Variants in TICAM2 observed in about 807,000 individuals in gnomAD.
The protein encoded by TICAM2 is TIR domain containing adaptor molecule 2, also known as TIR domain-containing adapter molecule 2.
Under a neutral mutation model 7.3 loss-of-function variants are expected in TICAM2, and 8 were observed. The observed-to-expected ratio is 1.10, with a 90% CI of 0.65 to 1.99. The LOEUF (loss-of-function observed/expected upper bound fraction) is 1.99. Ranked by LOEUF, TICAM2 falls within the 30% of genes most tolerant of loss-of-function variation. The pLI is 0.00. For synonymous variants in TICAM2, 113 were observed against 99.6 expected, an observed-to-expected ratio of 1.13 and a Z score of -0.80; for missense variants, 304 against 278.8, an observed-to-expected ratio of 1.09 and a Z score of -0.65.
intron 1 of TICAM2, among the ~76,000 whole-genome samples, chr5:115,584,758 T>A (rs1355018202): frequency 6.6e-6 from 1 of 152,028 alleles, no homozygotes; most frequent in African/African-American, 2.4e-5. Flanking sequence ...TGAAGAAACA[T>A]AATCAATCCA....
rs189610827 is a variant in TICAM2, at chr5:115,580,036, T to C, written c.*513A>G. 1 of 152,428 alleles carries C rather than the reference T, an allele frequency of 6.6e-6. No homozygotes were observed. The highest frequency in any genetic ancestry group is 1.9e-4 in the East Asian group (1 of 5,190). The allele number at this position is 152,428 out of a possible 1,614,324, so 9.4% of individuals were successfully genotyped here. A position where few individuals can be genotyped will look rare whatever the true frequency, so the allele number is the denominator to read the frequency against. On this transcript the variant is annotated 3_prime_UTR_variant, in exon 2 of 2. Coordinates refer to ENST00000427199, the MANE Select transcript of TICAM2 (RefSeq NM_021649.7). ...ATTCTCACATCTATTTCTGATTTTA[T>C]ATGCATCAACGCTTAACATGCTAAA...
At chr5:115,592,320 C>A (rs573832795) in intron 1 of TICAM2, among the ~76,000 whole-genome samples, 2 of 152,262 alleles carry the variant, frequency 1.3e-5, no homozygotes, top group South Asian at 2.1e-4. Context: ...TCAAAACAGA[C>A]ACAGAAGAAA....
intron 1 of TICAM2, among the ~76,000 whole-genome samples, chr5:115,594,444 A>C (rs577323386): frequency 2.2e-4 from 34 of 152,370 alleles, no homozygotes; most frequent in African/African-American, 7.9e-4. Context: ...ATGTGTGTTT[A>C]AACGCCAAAT....
At chr5:115,596,527 G>A (rs528295753) in intron 1 of TICAM2, among the ~76,000 whole-genome samples, 57 of 152,260 alleles carry the variant, frequency 3.7e-4, no homozygotes, top group Middle Eastern at 3.4e-3. Flanking sequence ...AGTTACTAGT[G>A]TTAAAAAACC....
Position 115,580,846 on chromosome 5 carries a change from T to C in TICAM2, c.411A>G (p.Leu137=), listed in dbSNP as rs757630156. ...CTCTTAAAAAGTTTTCAGTCAGTAA[T>C]AAGATTGTCCATGCAGACCCATTTA... ...DAVNGSAWTI[L]LLTENFLRDT... Residue 137 remains leucine, a synonymous_variant, in exon 2 of 2, where the codon TTA becomes TTG. Coordinates refer to ENST00000427199, the MANE Select transcript of TICAM2 (RefSeq NM_021649.7). 1 of 1,611,028 alleles carries C rather than the reference T, an allele frequency of 6.2e-7. No individual in the cohort carries two copies. The highest frequency in any genetic ancestry group is 1.7e-5 in the Admixed American group (1 of 59,726).
chr5:115,581,024 A>G lies in TICAM2; in HGVS notation c.233T>C (p.Phe78Ser). 1 of 1,614,106 alleles carries G rather than the reference A, an allele frequency of 6.2e-7. No individual in the cohort carries two copies. ...TGCATGCAATATCACAAATTTGAGGAACACCTCTTCTTCAGCTTCTTCTTC... is the reference window on the plus strand; with the variant it reads ...TGCATGCAATATCACAAATTTGAGGGACACCTCTTCTTCAGCTTCTTCTTC... ...MFEEEAEEEV[F>S]LKFVILHAED... Residue 78 changes from phenylalanine (F) to serine (S), a missense_variant, in exon 2 of 2, where the codon TTC (phenylalanine) becomes TCC (serine). By Grantham distance (155) the Phe-to-Ser change is radical (BLOSUM62 -2). Coordinates refer to ENST00000427199, the MANE Select transcript of TICAM2 (RefSeq NM_021649.7).
chr5:115,595,582 T>C (rs542587804), intron 1 of TICAM2, among the ~76,000 whole-genome samples: 2 of 152,330 alleles, frequency 1.3e-5, no homozygotes, highest in Admixed American at 6.5e-5. Context: ...AATGGAAAAC[T>C]GATCCTGTTT....
rs184902920 is a variant in TICAM2, at chr5:115,600,695, T to G, written c.-60+1402A>C. On this transcript the variant is annotated intron_variant, in intron 1 of 1. Transcript: ENST00000427199. The stretch of plus-strand genomic sequence containing the variant: ...GACACTGGATTTCACAAGACAGTCA[T>G]TGGCAACATCAGGACCATGCAGGGG... 5.5e-3 allele frequency among the ~76,000 whole-genome samples: 838 copies of G among 152,214 alleles called. 4 individuals carry two copies. The highest frequency in any genetic ancestry group is 0.019 in the African/African-American group (792 of 41,508).
At chr5:115,592,943 C>T (rs966382845) in intron 1 of TICAM2, among the ~76,000 whole-genome samples, 18 of 152,230 alleles carry the variant, frequency 1.2e-4, no homozygotes, top group South Asian at 2.1e-4. Context: ...CAGGAGTTCA[C>T]GACCAGCCTG....
At position 115,581,316 on chromosome 5, in the gene TICAM2, C is replaced by A; in HGVS notation, c.-59-1G>T. 1 of 1,595,136 alleles carries A rather than the reference C, an allele frequency of 6.3e-7. No individual in the cohort carries two copies. Among genetic ancestry groups the A allele is most frequent in the Non-Finnish European group, 8.5e-7 (1 of 1,177,672 alleles). On this transcript the variant is annotated splice_acceptor_variant, in intron 1 of 1. Coordinates refer to ENST00000427199, the MANE Select transcript of TICAM2 (RefSeq NM_021649.7). LOFTEE classifies it low-confidence loss of function (5UTR_SPLICE). ...GTATTTCTCAGCATTTCTTTTCAAT[C>A]TAAAAGAAGTAACAAAACAGAAGAA... is the stretch of plus-strand genomic sequence containing the variant.
intron 1 of TICAM2, among the ~76,000 whole-genome samples, chr5:115,600,645 T>G (rs2112527285): frequency 6.6e-6 from 1 of 151,488 alleles, no homozygotes; most frequent in African/African-American, 2.4e-5. Context: ...TACTGAGGGG[T>G]CAGGAAAGAT....
rs1031212467 is a variant in TICAM2 at position 115,578,984 on chromosome 5, G to A, written c.*1565C>T. 1.3e-5 allele frequency: 2 copies of A among 152,630 alleles called. No individual in the cohort carries two copies. The highest frequency in any genetic ancestry group is 1.9e-4 in the East Asian group (1 of 5,196). 9.5% of individuals were successfully genotyped at this position (152,630 alleles called of 1,614,324 possible). On this transcript the variant is annotated 3_prime_UTR_variant, in exon 2 of 2. Transcript: ENST00000427199. ...TATGAAGAGGTAACTGCAAAAAGAT[G>A]TGTGCAGATCCCGGTACTGGTAGGG...
intron 1 of TICAM2, 134 bp from the exon 2 acceptor site, chr5:115,581,449 T>C (rs953926678): frequency 9.2e-7 from 1 of 1,092,320 alleles, no homozygotes; most frequent in Non-Finnish European, 1.3e-6. Flanking sequence ...AAACAGATAA[T>C]TGGGAAGCTA....
chr5:115,601,807 G>T (rs906899008), intron 1 of TICAM2, among the ~76,000 whole-genome samples: 1 of 152,196 alleles, frequency 6.6e-6, no homozygotes, highest in Admixed American at 6.5e-5. Context: ...AAGACTCTGG[G>T]CTATTTGCTT....
Position 115,580,456 on chromosome 5 carries a change from T to C in TICAM2, c.*93A>G. Reference sequence around the variant, plus strand: ...GTTTCTTTAAGGTGAAGACTCTCTTTTATTTAAACATTTCCTAGAAACTGC... The same window carrying C: ...GTTTCTTTAAGGTGAAGACTCTCTTCTATTTAAACATTTCCTAGAAACTGC... On this transcript the variant is annotated 3_prime_UTR_variant, in exon 2 of 2. Coordinates refer to ENST00000427199, the MANE Select transcript of TICAM2 (RefSeq NM_021649.7). The C allele has an allele frequency of 1.4e-6, 2 of 1,393,964 alleles. No individual in the cohort carries two copies. The highest frequency in any genetic ancestry group is 1.9e-6 in the Non-Finnish European group (2 of 1,069,170). The allele number at this position is 1,393,964 out of a possible 1,614,324, so 86.3% of individuals were successfully genotyped here. A position where few individuals can be genotyped will look rare whatever the true frequency, so the allele number is the denominator to read the frequency against.
At chr5:115,590,029 C>A (rs1222878274) in intron 1 of TICAM2, among the ~76,000 whole-genome samples, 1 of 152,068 alleles carries the variant, frequency 6.6e-6, no homozygotes, top group African/African-American at 2.4e-5. Flanking sequence ...AAAATGATCA[C>A]TTATACTACA....
chr5:115,593,002 G>A (rs1307955675), intron 1 of TICAM2, among the ~76,000 whole-genome samples: 4 of 152,142 alleles, frequency 2.6e-5, no homozygotes, highest in Non-Finnish European at 2.9e-5. Context: ...AATTAGCTAG[G>A]TGTGGTGCCG....
Position 115,579,843 on chromosome 5 carries a change from G to C in TICAM2, c.*706C>G, listed in dbSNP as rs1754852339. On this transcript the variant is annotated 3_prime_UTR_variant, in exon 2 of 2. Transcript: ENST00000427199. Reference sequence around the variant, plus strand: ...AAATAAAGCCATAGTTACAAATGATGACTAATATGAAGAGATTTAAGCCCC... The same window carrying C: ...AAATAAAGCCATAGTTACAAATGATCACTAATATGAAGAGATTTAAGCCCC... 6.6e-6 allele frequency: 1 copy of C among 152,134 alleles called. No individual in the cohort carries two copies. Among genetic ancestry groups the C allele is most frequent in the Admixed American group, 6.5e-5 (1 of 15,272 alleles). 9.4% of individuals were successfully genotyped at this position (152,134 alleles called of 1,614,324 possible). A position where few individuals can be genotyped will look rare whatever the true frequency, so the allele number is the denominator to read the frequency against.
chr5:115,585,869 G>A (rs962121712), intron 1 of TICAM2, among the ~76,000 whole-genome samples: 1 of 152,182 alleles, frequency 6.6e-6, no homozygotes, highest in Admixed American at 6.5e-5. Flanking sequence ...GTGGAAGCAG[G>A]AACACTAGTT....
Sources: gnomAD v4.1 joint callset for allele counts (sites outside exome capture counted in the v4.1 genomes callset) on GRCh38, gnomAD v4.1.1 for gene constraint, MANE v1.5 for transcripts, NCBI Gene and HGNC (gene_info 2026-07-23, HGNC 2026-07-21) for gene names.